The following PVT1 variants were observed in gnomAD, a reference collection of about 807,000 sequenced individuals.
PVT1 encodes CXCR4/PVT1 fusion.
chr8:128,037,272 AC>A (rs1390088778), intron 4 of PVT1, among the ~76,000 whole-genome samples: 3 of 152,234 alleles, frequency 2.0e-5, no homozygotes, highest in Non-Finnish European at 4.4e-5. Context: ...GATGGGACAT[AC>A]GCCCATTTGT....
chr8:128,045,933 A>G (rs1813607338), intron 4 of PVT1, among the ~76,000 whole-genome samples: 1 of 152,162 alleles, frequency 6.6e-6, no homozygotes, highest in African/African-American at 2.4e-5. Context: ...TTTGTCTGAA[A>G]TGGGACCTGG....
rs147426978 is a variant in PVT1, at chr8:128,075,650, A to T, written n.1114+5289A>T. Among the ~76,000 whole-genome samples, 27 of 152,312 alleles carry T rather than the reference A, an allele frequency of 1.8e-4. No individual in the cohort carries two copies. The East Asian group carries it at 1.9e-3, about 11-fold the overall frequency. On this transcript the variant is annotated intron_variant and non_coding_transcript_variant, in intron 5 of 10. Transcript: ENST00000651587. Reference sequence around the variant, plus strand: ...TTCTAATTCATTTAAGTGTATACGCATGCACATATACACACTGAGTACTAT... The same window carrying T: ...TTCTAATTCATTTAAGTGTATACGCTTGCACATATACACACTGAGTACTAT...
chr8:127,840,102 G>A (rs376066544), intron 2 of PVT1, among the ~76,000 whole-genome samples: 5 of 152,198 alleles, frequency 3.3e-5, no homozygotes, highest in South Asian at 2.1e-4. Flanking sequence ...GCAGGTAAAG[G>A]GGGTAGAAGG....
intron 3 of PVT1, among the ~76,000 whole-genome samples, chr8:127,955,918 A>G (rs1466892583): frequency 6.6e-6 from 1 of 152,224 alleles, no homozygotes; most frequent in African/African-American, 2.4e-5. Flanking sequence ...TAAAAAGCCA[A>G]GCTCCAAGAG....
At chr8:128,052,346 C>T (rs1813708528) in intron 4 of PVT1, among the ~76,000 whole-genome samples, 1 of 152,140 alleles carries the variant, frequency 6.6e-6, no homozygotes, top group African/African-American at 2.4e-5. Context: ...CTCCTTCCTC[C>T]ACATGAAGGG....
intron 3 of PVT1, among the ~76,000 whole-genome samples, chr8:127,920,450 C>A (rs1221464363): frequency 6.6e-6 from 1 of 152,210 alleles, no homozygotes; most frequent in Non-Finnish European, 1.5e-5. Flanking sequence ...CCTCTCTGTG[C>A]CTGCATGTTG....
At chr8:127,890,339 A>T (rs1272525527) in intron 2 of PVT1, among the ~76,000 whole-genome samples, 1 of 152,166 alleles carries the variant, frequency 6.6e-6, no homozygotes, top group Non-Finnish European at 1.5e-5. Context: ...CTCCCCTCTC[A>T]GGGTGCTCCT....
At chr8:128,100,360 G>A (rs1354015342) in intron 6 of PVT1, among the ~76,000 whole-genome samples, 1 of 152,112 alleles carries the variant, frequency 6.6e-6, no homozygotes, top group African/African-American at 2.4e-5. Context: ...CCAGTGTGGG[G>A]CACAGACTCA....
intron 3 of PVT1, among the ~76,000 whole-genome samples, chr8:127,983,700 A>G (rs183422316): frequency 7.2e-5 from 11 of 152,248 alleles, no homozygotes; most frequent in African/African-American, 2.4e-4. Flanking sequence ...TAACGACTGT[A>G]TAATTATCAA....
At chr8:127,896,641 T>C (rs1815680525) in intron 3 of PVT1, among the ~76,000 whole-genome samples, 1 of 152,112 alleles carries the variant, frequency 6.6e-6, no homozygotes, top group Non-Finnish European at 1.5e-5. Context: ...TTATTTTAAG[T>C]TCTGGGGTAC....
At chr8:128,028,222 C>T (rs779785534) in intron 4 of PVT1, among the ~76,000 whole-genome samples, 1 of 152,248 alleles carries the variant, frequency 6.6e-6, no homozygotes, top group Admixed American at 6.5e-5. Context: ...GTGCTGGTGC[C>T]GGCGCGCTGG....
intron 3 of PVT1, among the ~76,000 whole-genome samples, chr8:127,983,047 C>A (rs1243611332): frequency 6.6e-6 from 1 of 152,152 alleles, no homozygotes; most frequent in Non-Finnish European, 1.5e-5. Context: ...CTCGGCCTTA[C>A]AGTGCGTGGG....
chr8:128,087,107 G>T (rs1814268208), intron 5 of PVT1, among the ~76,000 whole-genome samples: 1 of 152,184 alleles, frequency 6.6e-6, no homozygotes. Flanking sequence ...CATTATCTCA[G>T]TCTTCAATAG....
chr8:128,041,207 ATGTGTGTT>A (rs1368432321), intron 4 of PVT1, among the ~76,000 whole-genome samples: 179 of 56,448 alleles, frequency 3.2e-3, no homozygotes, highest in South Asian at 0.013. Context: ...GTGTGTTTGC[ATGTGTGTT>A]TGTGTGTGTG....
chr8:128,084,019 C>G (rs1252983708), intron 5 of PVT1, among the ~76,000 whole-genome samples: 1 of 152,204 alleles, frequency 6.6e-6, no homozygotes, highest in Non-Finnish European at 1.5e-5. Context: ...AAGGACAGTT[C>G]AGACAAAGTT....
At chr8:128,032,529 A>G (rs964205234) in intron 4 of PVT1, among the ~76,000 whole-genome samples, 1 of 152,218 alleles carries the variant, frequency 6.6e-6, no homozygotes, top group Non-Finnish European at 1.5e-5. Context: ...TATGCATATT[A>G]TATTTCCATC....
Position 128,087,747 on chromosome 8 carries a change from C to CTTTTTTT in PVT1, n.1115-8754_1115-8748dup, listed in dbSNP as rs71568675. 5.4e-4 allele frequency among the ~76,000 whole-genome samples: 41 copies of CTTTTTTT among 76,584 alleles called. 4 individuals are homozygous for CTTTTTTT. Among genetic ancestry groups the CTTTTTTT allele is most frequent in the African/African-American group, 1.7e-3 (34 of 20,482 alleles). The allele number at this position is 76,584 out of a possible 152,430, so 50.2% of individuals were successfully genotyped here. ...CTCTGCTGACATTCCTGATGTGCTA[C>CTTTTTTT]TTTTTTTTTTTTTTTTTTTTTTTGA... On this transcript the variant is annotated intron_variant and non_coding_transcript_variant, in intron 5 of 10. Coordinates refer to ENST00000651587, the Ensembl canonical transcript of PVT1.
At chr8:127,977,658 C>T (rs993541171) in intron 3 of PVT1, among the ~76,000 whole-genome samples, 3 of 152,074 alleles carry the variant, frequency 2.0e-5, no homozygotes, top group Admixed American at 6.6e-5. Flanking sequence ...TTTCTTGGAC[C>T]CAGGAGGTGG....
chr8:127,861,290 G>A (rs1292658405), intron 2 of PVT1, among the ~76,000 whole-genome samples: 2 of 152,158 alleles, frequency 1.3e-5, no homozygotes, highest in African/African-American at 4.8e-5. Flanking sequence ...TCTCAAACAG[G>A]TCGATGACTA....
Sources: allele counts gnomAD v4.1 joint callset (sites outside exome capture counted in the v4.1 genomes callset), GRCh38; gene constraint gnomAD v4.1.1; transcripts MANE v1.5; gene names NCBI Gene and HGNC (gene_info 2026-07-23, HGNC 2026-07-21).